Variants in TET3 observed in about 807,000 individuals in gnomAD.
The protein encoded by TET3 is methylcytosine dioxygenase TET3.
In TET3, 19 loss-of-function variants were observed where a neutral mutation model predicts 141.4. That is an observed-to-expected ratio of 0.13 (90% CI 0.09 to 0.20). TET3 has a LOEUF of 0.20. TET3 is among the 10% of genes least tolerant of loss of function. The pLI, the probability that TET3 is intolerant of heterozygous loss-of-function variation, is 1.00. For synonymous variants in TET3, 1,043 were observed against 980.9 expected (o/e 1.06, Z -1.18); for missense variants, 1,874 against 2,356.9 (o/e 0.80, Z 4.24).
chr2:74,100,271 C>G (rs148732431), intron 11 of TET3, 122 bp from the exon 12 acceptor site: 1 of 1,092,338 alleles, frequency 9.2e-7, no homozygotes, highest in Non-Finnish European at 1.3e-6. Context: ...CCTCACCTGC[C>G]TGTCCCAAAA....
chr2:74,029,605 A>T (rs1042985018), intron 3 of TET3, among the ~76,000 whole-genome samples: 2 of 152,234 alleles, frequency 1.3e-5, no homozygotes, highest in Non-Finnish European at 2.9e-5. Context: ...TTGCATAGTT[A>T]AAAAAGATAC....
intron 4 of TET3, among the ~76,000 whole-genome samples, chr2:74,052,694 A>AC (rs1275932927): frequency 6.6e-6 from 1 of 151,910 alleles, no homozygotes; most frequent in African/African-American, 2.4e-5. Flanking sequence ...GTATGGTGAA[A>AC]CCCTATCTCT....
intron 10 of TET3, among the ~76,000 whole-genome samples, chr2:74,098,725 C>A (rs1426879997): frequency 6.6e-6 from 1 of 151,942 alleles, no homozygotes; most frequent in Non-Finnish European, 1.5e-5. Context: ...TCCCAAGTAG[C>A]TGGGATTACA....
chr2:74,100,859 G>C lies in TET3; in HGVS notation c.4071G>C (p.Gln1357His), dbSNP rs1431234655. 1 of 1,611,216 alleles carries C rather than the reference G, an allele frequency of 6.2e-7. No homozygotes were observed. Among genetic ancestry groups the C allele is most frequent in the Non-Finnish European group, 8.5e-7 (1 of 1,178,986 alleles). ...CCCACCACCCCACTCCTCACCACCAGCAGCCTGCGTACCCAGGCCCCAAGG... is the reference window on the plus strand; with the variant it reads ...CCCACCACCCCACTCCTCACCACCACCAGCCTGCGTACCCAGGCCCCAAGG... Reference protein sequence around the residue: ...TDAHHPTPHHQQPAYPGPKEY... With the variant: ...TDAHHPTPHHHQPAYPGPKEY... The change falls in exon 12 of 12, where the codon CAG (glutamine) becomes CAC (histidine). Residue 1357 changes from glutamine to histidine, a missense_variant. Coordinates refer to ENST00000409262, the MANE Select transcript of TET3 (RefSeq NM_001287491.2).
intron 4 of TET3, among the ~76,000 whole-genome samples, chr2:74,054,623 C>G (rs984920270): frequency 6.7e-6 from 1 of 149,518 alleles, no homozygotes; most frequent in Admixed American, 6.7e-5. Context: ...AAAAGAAGCC[C>G]CAGAATGGAA....
intron 3 of TET3, among the ~76,000 whole-genome samples, chr2:74,032,123 T>C (rs572418186): frequency 1.3e-5 from 2 of 150,074 alleles, no homozygotes; most frequent in East Asian, 1.9e-4. Context: ...CTGTCCTCCT[T>C]CTCTAAACCT....
At chr2:74,118,326 C>T in the TET3 span, among the ~76,000 whole-genome samples, 1 of 152,164 alleles carries the variant, frequency 6.6e-6, no homozygotes, top group African/African-American at 2.4e-5. Flanking sequence ...AGTTGAATTG[C>T]TTGATATGTA....
chr2:74,099,695 A>C, intron 11 of TET3, 83 bp downstream of exon 11: 1 of 1,343,942 alleles, frequency 7.4e-7, no homozygotes, highest in Non-Finnish European at 1.0e-6. Context: ...ACCCTCCTGC[A>C]TCACACTGGA....
chr2:74,011,891 A>G (rs1685454543), intron 3 of TET3, among the ~76,000 whole-genome samples: 1 of 152,054 alleles, frequency 6.6e-6, no homozygotes. Context: ...GGAAAAAAAA[A>G]AAAGAAAGGG....
At chr2:74,090,538 C>A (rs1055234241) in intron 8 of TET3, among the ~76,000 whole-genome samples, 14 of 152,228 alleles carry the variant, frequency 9.2e-5, no homozygotes, top group African/African-American at 2.9e-4. Flanking sequence ...TTGCAGTCTC[C>A]ATGCTGGGGG....
chr2:74,048,516 A>T, intron 4 of TET3, 105 bp downstream of exon 4: 1 of 1,213,284 alleles, frequency 8.2e-7, no homozygotes, highest in Non-Finnish European at 1.1e-6. Context: ...ATTTGTGCCA[A>T]CTGCCACACT....
chr2:74,073,519 CA>C, intron 4 of TET3, 29 bp from the exon 5 acceptor site: 1 of 1,537,076 alleles, frequency 6.5e-7, no homozygotes, highest in Non-Finnish European at 8.8e-7. Flanking sequence ...ATTGATATTC[CA>C]AAAATGTTTA....
At chr2:74,066,870 C>T (rs946089549) in intron 4 of TET3, among the ~76,000 whole-genome samples, 9 of 152,142 alleles carry the variant, frequency 5.9e-5, no homozygotes, top group African/African-American at 2.2e-4. Flanking sequence ...TGACTTAGGG[C>T]AGAAGGTGGT....
chr2:74,111,194 G>GC (rs1691696489), downstream of TET3, among the ~76,000 whole-genome samples: 2 of 151,950 alleles, frequency 1.3e-5, no homozygotes, highest in African/African-American at 4.8e-5. Context: ...AAACACAAAT[G>GC]CCCCCAAAAG....
At chr2:74,099,171 T>C in intron 10 of TET3, 105 bp from the exon 11 acceptor site, 1 of 1,029,306 alleles carries the variant, frequency 9.7e-7, no homozygotes, top group East Asian at 2.6e-5. Context: ...GGTATTGGGA[T>C]TGTGTGGGGA....
intron 3 of TET3, among the ~76,000 whole-genome samples, chr2:74,012,096 G>A (rs1685466128): frequency 6.6e-6 from 1 of 152,164 alleles, no homozygotes; most frequent in Non-Finnish European, 1.5e-5. Context: ...GAGTAGCTAG[G>A]ACTACAGGCG....
chr2:74,124,668 G>A, the TET3 span, among the ~76,000 whole-genome samples: 8 of 152,086 alleles, frequency 5.3e-5, no homozygotes, highest in African/African-American at 1.9e-4. Flanking sequence ...GTCCACTCAG[G>A]GTTAAATGGA....
At chr2:74,017,961 C>CTTTTTTTTTTT (rs35319685) in intron 3 of TET3, among the ~76,000 whole-genome samples, 3 of 97,214 alleles carry the variant, frequency 3.1e-5, no homozygotes, top group South Asian at 3.1e-4. Flanking sequence ...TCTTCTGTCT[C>CTTTTTTTTTTT]TTTTTTTTTT....
At chr2:73,999,086 A>G (rs576153640) in intron 2 of TET3, among the ~76,000 whole-genome samples, 3 of 152,196 alleles carry the variant, frequency 2.0e-5, no homozygotes, top group Non-Finnish European at 4.4e-5. Flanking sequence ...AGAGCTTTGA[A>G]GTAAAGCCCT....
Sources: gnomAD v4.1 joint callset for allele counts (sites outside exome capture counted in the v4.1 genomes callset) on GRCh38, gnomAD v4.1.1 for gene constraint, MANE v1.5 for transcripts, NCBI Gene and HGNC (gene_info 2026-07-23, HGNC 2026-07-21) for gene names.